ZNF227: variants seen among roughly 807,000 people sequenced by gnomAD.
ZNF227 encodes the protein zinc finger protein 227.
ZNF227 carries 12 observed loss-of-function variants against 13.2 expected under a neutral mutation model. The ratio of observed to expected loss-of-function variants is 0.91; its 90% CI spans 0.58 to 1.47. ZNF227 has a LOEUF of 1.47. Ranked by LOEUF, ZNF227 falls within the 40% of genes most tolerant of loss-of-function variation. The pLI, the probability that ZNF227 is intolerant of heterozygous loss-of-function variation, is 0.00. For missense variants in ZNF227, 885 were observed against 967.5 expected (o/e 0.91, Z 1.13); for synonymous variants, 338 against 326.0 (o/e 1.04, Z -0.40).
intron 5 of ZNF227, among the ~76,000 whole-genome samples, chr19:44,232,132 G>A (rs773469722): frequency 2.0e-5 from 3 of 152,184 alleles, no homozygotes; most frequent in Non-Finnish European, 2.9e-5. Context: ...GTGGAGTTGA[G>A]GTGAGTCCTG....
intron 5 of ZNF227, 137 bp from the exon 6 acceptor site, chr19:44,234,565 A>T: frequency 1.3e-6 from 1 of 764,912 alleles, no homozygotes; most frequent in South Asian, 2.0e-5. Context: ...AGAATACACG[A>T]TGCTGTAAGG....
At chr19:44,208,436 G>C (rs1184945979), upstream of ZNF227, among the ~76,000 whole-genome samples, 1 of 152,176 alleles carries the variant, frequency 6.6e-6, no homozygotes, top group Non-Finnish European at 1.5e-5. Context: ...ACAGTGGGTT[G>C]TTATTTTCTC....
chr19:44,229,069 A>C (rs981103569), intron 4 of ZNF227: 3 of 158,308 alleles, frequency 1.9e-5, no homozygotes, highest in African/African-American at 7.2e-5. Context: ...AGTGCACTGT[A>C]CTGGCTTTTT....
intron 2 of ZNF227, among the ~76,000 whole-genome samples, chr19:44,215,716 G>T (rs144400840): frequency 6.6e-6 from 1 of 151,886 alleles, no homozygotes; most frequent in Admixed American, 6.6e-5. Flanking sequence ...GGCCAGGTGC[G>T]GTGGCTCATG....
chr19:44,222,122 A>C (rs1187417697), intron 3 of ZNF227, among the ~76,000 whole-genome samples: 1 of 151,790 alleles, frequency 6.6e-6, no homozygotes, highest in Non-Finnish European at 1.5e-5. Context: ...ATTGATCTAT[A>C]TCTCTGTTTT....
At chr19:44,231,768 C>A (rs190909704) in intron 5 of ZNF227, among the ~76,000 whole-genome samples, 77 of 152,294 alleles carry the variant, frequency 5.1e-4, no homozygotes, top group African/African-American at 1.7e-3. Flanking sequence ...GGAACACTGT[C>A]TTCTAGTGAA....
intron 5 of ZNF227, 82 bp from the exon 6 acceptor site, chr19:44,234,620 C>T (rs1895056147): frequency 7.7e-7 from 1 of 1,295,640 alleles, no homozygotes; most frequent in African/African-American, 1.5e-5. Context: ...TCTCCCATGG[C>T]CTAAGTGTGA....
upstream of ZNF227, among the ~76,000 whole-genome samples, chr19:44,210,787 G>A (rs1182209133): frequency 6.6e-6 from 1 of 152,174 alleles, no homozygotes; most frequent in African/African-American, 2.4e-5. Context: ...TAAGGGCACT[G>A]GATAGACATG....
chr19:44,224,810 T>A (rs924581047), intron 3 of ZNF227, among the ~76,000 whole-genome samples: 3 of 152,290 alleles, frequency 2.0e-5, no homozygotes, highest in Admixed American at 1.3e-4. Flanking sequence ...TCCTGTCATT[T>A]TGATGTTAGC....
chr19:44,215,715 C>T (rs898164144), intron 2 of ZNF227, among the ~76,000 whole-genome samples: 17 of 151,962 alleles, frequency 1.1e-4, no homozygotes, highest in African/African-American at 2.7e-4. Flanking sequence ...GGGCCAGGTG[C>T]GGTGGCTCAT....
At chr19:44,220,659 A>T (rs114687807) in intron 3 of ZNF227, among the ~76,000 whole-genome samples, 1,838 of 152,070 alleles carry the variant, frequency 0.012, 29 homozygotes, top group African/African-American at 0.04. Flanking sequence ...TCTTTTTTTT[A>T]AAATTTTATT....
chr19:44,226,677 A>C (rs186734947), intron 3 of ZNF227, among the ~76,000 whole-genome samples: 1 of 151,968 alleles, frequency 6.6e-6, no homozygotes, highest in Non-Finnish European at 1.5e-5. Context: ...GCCGTCTGTC[A>C]CCCCTTTCTT....
At chr19:44,222,232 A>G (rs1972602830) in intron 3 of ZNF227, among the ~76,000 whole-genome samples, 1 of 152,126 alleles carries the variant, frequency 6.6e-6, no homozygotes, top group Admixed American at 6.5e-5. Context: ...CCTAGGATTG[A>G]CTTGGCGATG....
At chr19:44,232,680 T>G (rs1245125831) in intron 5 of ZNF227, among the ~76,000 whole-genome samples, 1 of 151,926 alleles carries the variant, frequency 6.6e-6, no homozygotes, top group African/African-American at 2.4e-5. Flanking sequence ...TTGTTTTTTT[T>G]TTTTGTAGAC....
In ZNF227 at chr19:44,228,447, A is replaced by G. The variant is rs201752965; in HGVS notation, c.62A>G (p.Glu21Gly). Residue 21 changes from glutamate (E) to glycine (G), a missense_variant and splice_region_variant, in exon 4 of 6, where the codon GAG (glutamate) becomes GGG (glycine). By Grantham distance (98) the Glu-to-Gly change is moderately conservative (BLOSUM62 -2). Coordinates refer to ENST00000313040, the MANE Select transcript of ZNF227 (RefSeq NM_182490.3). ...GGTTACATGTGTTTGATATTGTAGG[A>G]GGCTGTGACATTCAAGGATGTGGCT... ...KKQEKMTKFQ[E>G]AVTFKDVAVV... is the part of the protein sequence containing the mutation. 1 of 1,611,986 alleles carries G rather than the reference A, an allele frequency of 6.2e-7. No homozygotes were observed. Among genetic ancestry groups the G allele is most frequent in the Non-Finnish European group, 8.5e-7 (1 of 1,179,390 alleles).
intron 3 of ZNF227, among the ~76,000 whole-genome samples, chr19:44,227,869 A>T (rs189419639): frequency 6.6e-6 from 1 of 152,324 alleles, no homozygotes; most frequent in East Asian, 1.9e-4. Flanking sequence ...GTGCCTTGAA[A>T]GCACAGGAAG....
At position 44,236,346 on chromosome 19, in the gene ZNF227, A is replaced by C. The variant is rs757897534; in HGVS notation, c.1916A>C (p.Lys639Thr). The change falls in exon 6 of 6, where the codon AAG (lysine) becomes ACG (threonine). Residue 639 changes from lysine (K) to threonine (T), a missense_variant. Lys to Thr is a moderately conservative substitution (Grantham distance 78). Transcript: ENST00000313040. ...CCATACAAATGTGGTGTCTGTGGTAAGGGCTTCAGTCAGTCCTCTGGTCTT... is the reference window on the plus strand; with the variant it reads ...CCATACAAATGTGGTGTCTGTGGTACGGGCTTCAGTCAGTCCTCTGGTCTT... ...EKPYKCGVCG[K>T]GFSQSSGLQS... is the part of the protein sequence containing the mutation. 45 of 1,614,060 alleles carry C rather than the reference A, an allele frequency of 2.8e-5. No homozygotes were observed. The highest frequency in any genetic ancestry group is 3.8e-5 in the Non-Finnish European group (45 of 1,180,032).
At chr19:44,216,020 T>C (rs1226669581) in intron 2 of ZNF227, among the ~76,000 whole-genome samples, 1 of 106,528 alleles carries the variant, frequency 9.4e-6, no homozygotes, top group Non-Finnish European at 1.8e-5. Flanking sequence ...AGATGTACCT[T>C]TAAAAAAAAA....
In ZNF227 at chr19:44,235,898, A is replaced by G. The variant is rs1184155076; in HGVS notation, c.1468A>G (p.Lys490Glu). 1 of 1,614,066 alleles carries G rather than the reference A, an allele frequency of 6.2e-7. No homozygotes were observed. Among genetic ancestry groups the G allele is most frequent in the Admixed American group, 1.7e-5 (1 of 59,998 alleles). Reference protein sequence around the residue: ...HIHFRVHTGEKPYKCKECGKG... With the variant: ...HIHFRVHTGEEPYKCKECGKG... ...TCATTTCAGAGTTCACACGGGAGAG[A>G]AACCCTATAAATGTAAGGAGTGTGG... The change falls in exon 6 of 6, where the codon AAA (lysine) becomes GAA (glutamate). Residue 490 changes from lysine (K) to glutamate (E), a missense_variant. Coordinates refer to ENST00000313040, the MANE Select transcript of ZNF227 (RefSeq NM_182490.3).
Sources: allele counts gnomAD v4.1 joint callset (sites outside exome capture counted in the v4.1 genomes callset), GRCh38; gene constraint gnomAD v4.1.1; transcripts MANE v1.5; gene names NCBI Gene and HGNC (gene_info 2026-07-23, HGNC 2026-07-21).